The following TRANK1 variants were observed in gnomAD, a reference collection of about 807,000 sequenced individuals.
TRANK1 encodes the protein tetratricopeptide repeat and ankyrin repeat containing 1.
A neutral mutation model predicts 266.0 loss-of-function variants in TRANK1; 198 were observed. The observed-to-expected ratio is 0.74, with a 90% CI of 0.66 to 0.84. The LOEUF (loss-of-function observed/expected upper bound fraction) is 0.84, where lower values mean the gene tolerates loss of function less well. Ranked by LOEUF, TRANK1 falls within the 40% of genes least tolerant of loss-of-function variation. The pLI is 0.00. For missense variants in TRANK1, 3,326 were observed against 3,634.6 expected, an observed-to-expected ratio of 0.92 and a Z score of 2.18; for synonymous variants, 1,396 against 1,384.1, an observed-to-expected ratio of 1.01 and a Z score of -0.19.
In TRANK1 at chr3:36,831,902, G is replaced by A. The variant is rs1210782328; in HGVS notation, c.7681C>T (p.Arg2561Trp). The A allele has an allele frequency of 4.3e-5, 69 of 1,613,900 alleles. No individual in the cohort carries two copies. Among genetic ancestry groups the A allele is most frequent in the Non-Finnish European group, 5.5e-5 (65 of 1,179,892 alleles). Residue 2561 changes from arginine (R) to tryptophan (W), a missense_variant, in exon 22 of 24, where the codon CGG (arginine) becomes TGG (tryptophan). Transcript: ENST00000645898. This position sits in a 1 kb window ranked among gnomAD's most constrained non-coding sequence, Gnocchi z 5.0. ...IDYVVSGEAE[R>W]TLVLCLVMLV... ...ATCACCAAGCACAGCACCAGTGTCC[G>A]CTCAGCCTCACCCGAGACCACATAG... is the stretch of plus-strand genomic sequence containing the variant.
chr3:36,838,536 C>G, intron 19 of TRANK1, 32 bp from the exon 20 acceptor site: 2 of 1,613,992 alleles, frequency 1.2e-6, no homozygotes, highest in Non-Finnish European at 1.7e-6. Flanking sequence ...AATATTTCCA[C>G]GGAACATTGA....
At chr3:36,907,254 G>A (rs1041522857) in intron 2 of TRANK1, among the ~76,000 whole-genome samples, 3 of 152,096 alleles carry the variant, frequency 2.0e-5, no homozygotes, top group Non-Finnish European at 2.9e-5. Flanking sequence ...ACGATCAAGC[G>A]ATTCTCCTGC....
At position 36,903,337 on chromosome 3, in the gene TRANK1, C is replaced by A. The variant is rs933780772; in HGVS notation, c.156-62G>T. On this transcript the variant is annotated intron_variant, in intron 2 of 23. Coordinates refer to ENST00000645898, the MANE Select transcript of TRANK1 (RefSeq NM_001329998.2). The stretch of plus-strand genomic sequence containing the variant: ...AAATACAGAAAACAGTCTGTGAAGT[C>A]CCCCCATTCGGTGCTGGCTGCTGCC... 4.7e-6 allele frequency: 7 copies of A among 1,501,792 alleles called. 1 individual carries two copies. The highest frequency in any genetic ancestry group is 3.4e-4 in the Middle Eastern group (2 of 5,830). The allele number at this position is 1,501,792 out of a possible 1,614,324, so 93.0% of individuals were successfully genotyped here.
At chr3:36,933,398 A>G (rs1251947838) in intron 1 of TRANK1, among the ~76,000 whole-genome samples, 1 of 152,248 alleles carries the variant, frequency 6.6e-6, no homozygotes, top group Non-Finnish European at 1.5e-5. Flanking sequence ...TTGAGTGTTC[A>G]ATCTCCTTAG....
At chr3:36,849,974 G>A in intron 15 of TRANK1, 2 of 975,796 alleles carry the variant, frequency 2.0e-6, no homozygotes, top group Non-Finnish European at 2.4e-6. Context: ...GGAGCACCGG[G>A]TCAAGATACC....
intron 20 of TRANK1, among the ~76,000 whole-genome samples, chr3:36,837,620 G>C (rs2078787856): frequency 6.6e-6 from 1 of 152,236 alleles, no homozygotes; most frequent in South Asian, 2.1e-4. Context: ...CAGTTGATAT[G>C]TTAAAAAATG....
chr3:36,861,598 G>C (rs749104107), intron 10 of TRANK1, among the ~76,000 whole-genome samples: 1 of 151,440 alleles, frequency 6.6e-6, no homozygotes, highest in Non-Finnish European at 1.5e-5. Flanking sequence ...CTTAATTCTT[G>C]ATTTTTTATC....
At position 36,831,421 on chromosome 3, in the gene TRANK1, C is replaced by T. The variant is rs779627377; in HGVS notation, c.8162G>A (p.Arg2721Gln). 29 of 1,612,862 alleles carry T rather than the reference C, an allele frequency of 1.8e-5. No individual in the cohort carries two copies. Among genetic ancestry groups the T allele is most frequent in the East Asian group, 1.8e-4 (8 of 44,864 alleles). Residue 2721 changes from arginine (R) to glutamine (Q), a missense_variant, in exon 22 of 24, where the codon CGG becomes CAG. Arg to Gln is a conservative substitution (Grantham distance 43). Coordinates refer to ENST00000645898, the MANE Select transcript of TRANK1 (RefSeq NM_001329998.2). This position sits in a 1 kb window ranked among gnomAD's most constrained non-coding sequence, Gnocchi z 5.0. ...SQKQRKASIQ[R>Q]KLRRACLVVS... ...CACCAGGCATGCCCTCCTCAACTTCCGCTGTATGGAGGCCTTCCGTTGCTT... is the reference window on the plus strand; with the variant it reads ...CACCAGGCATGCCCTCCTCAACTTCTGCTGTATGGAGGCCTTCCGTTGCTT...
intron 22 of TRANK1, among the ~76,000 whole-genome samples, chr3:36,830,510 T>G (rs934582242): frequency 1.5e-4 from 23 of 152,142 alleles, no homozygotes; most frequent in Non-Finnish European, 2.9e-4. Context: ...ACCTTAAACA[T>G]TTTCCCTGTA....
chr3:36,901,750 G>A (rs2079886483), intron 3 of TRANK1, among the ~76,000 whole-genome samples: 2 of 152,160 alleles, frequency 1.3e-5, no homozygotes, highest in Admixed American at 6.5e-5. Flanking sequence ...GAGACTCCCA[G>A]GAGTTCTGGG....
At chr3:36,848,335 G>A (rs1475104019) in intron 15 of TRANK1, among the ~76,000 whole-genome samples, 6 of 152,052 alleles carry the variant, frequency 3.9e-5, no homozygotes, top group South Asian at 2.1e-4. Flanking sequence ...AAAAAACTCC[G>A]GTAGTCTGGA....
intron 8 of TRANK1, among the ~76,000 whole-genome samples, chr3:36,879,549 T>G (rs143813773): frequency 7.5e-6 from 1 of 133,734 alleles, no homozygotes; most frequent in South Asian, 2.2e-4. Context: ...TATAAATATA[T>G]CTATATAAAT....
In TRANK1 at chr3:36,892,826, TCAAAACAAAA is replaced by T. The variant is rs1318280243; in HGVS notation, c.636+65_636+74del. ...CTGGGCGAAAGGGCGAGACTCAGTC[TCAAAACAAAA>T]CAAAACAAAACAAAACATATATATA... On this transcript the variant is annotated intron_variant, in intron 6 of 23. Transcript: ENST00000645898. 2.4e-5 allele frequency: 15 copies of T among 615,620 alleles called. 1 individual carries two copies. The South Asian group carries it at 2.8e-4, about 11-fold the overall frequency. 38.1% of individuals were successfully genotyped at this position (615,620 alleles called of 1,614,324 possible).
chr3:36,841,902 C>CAA lies in TRANK1; in HGVS notation c.5280+718_5280+719dup, dbSNP rs11456731. 5.7e-3 allele frequency among the ~76,000 whole-genome samples: 816 copies of CAA among 143,752 alleles called. 4 individuals carry two copies. Among genetic ancestry groups the CAA allele is most frequent in the African/African-American group, 0.015 (593 of 39,182 alleles). 94.3% of individuals were successfully genotyped at this position (143,752 alleles called of 152,430 possible). A position where few individuals can be genotyped will look rare whatever the true frequency, so the allele number is the denominator to read the frequency against. ...CTGACTTGTTGTTATTAGATTAAAG[C>CAA]AAAAAAAAAAAAGCACTCTTTTAGT... On this transcript the variant is annotated intron_variant, in intron 18 of 23. Transcript: ENST00000645898.
chr3:36,868,347 AG>A (rs1559441209), intron 9 of TRANK1, among the ~76,000 whole-genome samples: 2 of 152,200 alleles, frequency 1.3e-5, no homozygotes, highest in African/African-American at 2.4e-5. Flanking sequence ...TCAGTTTCCA[AG>A]AACCTGTTAA....
At chr3:36,851,057 C>T (rs1037425302) in intron 15 of TRANK1, 5 of 985,380 alleles carry the variant, frequency 5.1e-6, no homozygotes, top group Admixed American at 6.1e-5. Flanking sequence ...GTTGGTAGCT[C>T]TACCCATAAT....
At chr3:36,865,954 GAGACAGAGAGAGAC>G (rs2079211894) in intron 9 of TRANK1, among the ~76,000 whole-genome samples, 1 of 149,948 alleles carries the variant, frequency 6.7e-6, no homozygotes, top group African/African-American at 2.5e-5. Context: ...GAGAGAGAGA[GAGACAGAGAGAGAC>G]AGAGACAGAG....
At chr3:36,889,678 C>T (rs895348565) in intron 8 of TRANK1, 151 bp downstream of exon 8, 11 of 1,074,616 alleles carry the variant, frequency 1.0e-5, no homozygotes, top group South Asian at 6.0e-5. Flanking sequence ...TACCCACCCA[C>T]CCACCAAAAT....
chr3:36,905,611 C>A (rs886654540), intron 2 of TRANK1, among the ~76,000 whole-genome samples: 2 of 152,170 alleles, frequency 1.3e-5, no homozygotes, highest in African/African-American at 2.4e-5. Context: ...GTAGCGCAAG[C>A]AGACTAATAT....
Sources: allele counts gnomAD v4.1 joint callset (sites outside exome capture counted in the v4.1 genomes callset), GRCh38; gene constraint gnomAD v4.1.1; non-coding constraint Gnocchi (gnomAD v3.1); transcripts MANE v1.5; gene names NCBI Gene and HGNC (gene_info 2026-07-23, HGNC 2026-07-21).